Variants in ADK observed in about 807,000 individuals in gnomAD.
ADK encodes the protein N6,N6-dimethyladenosine kinase.
Under a neutral mutation model 44.7 loss-of-function variants are expected in ADK, and 24 were observed. The ratio of observed to expected loss-of-function variants is 0.54; its 90% CI spans 0.39 to 0.76. The LOEUF is 0.76. ADK is among the 30% of genes least tolerant of loss of function. The probability of loss-of-function intolerance (pLI) is 0.00; values close to 1 mark genes in which losing one functional copy is unlikely to be tolerated. For synonymous variants in ADK, 128 were observed against 142.6 expected (o/e 0.90, Z 0.73); for missense variants, 321 against 425.1 (o/e 0.76, Z 2.15).
chr10:74,646,350 T>G (rs1854054352), intron 9 of ADK, among the ~76,000 whole-genome samples: 1 of 152,194 alleles, frequency 6.6e-6, no homozygotes. Flanking sequence ...GGGAAGCCAC[T>G]AGTTAGATTC....
Position 74,298,751 on chromosome 10 carries a change from C to T in ADK, c.195-15916C>T, listed in dbSNP as rs542343482. Among the ~76,000 whole-genome samples the T allele has an allele frequency of 3.2e-5, 4 of 123,754 alleles. No individual in the cohort carries two copies. The East Asian group carries it at 8.4e-4, about 26-fold the overall frequency. 81.2% of individuals were successfully genotyped at this position (123,754 alleles called of 152,430 possible). A position where few individuals can be genotyped will look rare whatever the true frequency, so the allele number is the denominator to read the frequency against. ...CAAGACCCTATCTCTACCAAAAAAA[C>T]CCCCCAAAAAAACAAAAACAAAAAC... On this transcript the variant is annotated intron_variant, in intron 3 of 10. Coordinates refer to ENST00000539909, the MANE Select transcript of ADK (RefSeq NM_006721.4).
intron 6 of ADK, among the ~76,000 whole-genome samples, chr10:74,399,357 T>C (rs531102896): frequency 2.6e-5 from 4 of 151,194 alleles, no homozygotes; most frequent in Non-Finnish European, 5.9e-5. Context: ...GTGTAAAAAA[T>C]TGATTACCCT....
Position 74,598,440 on chromosome 10 carries a change from CCTTTTTTTTT to C in ADK, c.763-1938_763-1929del, listed in dbSNP as rs1252820736. Among the ~76,000 whole-genome samples, 2 of 114,066 alleles carry C rather than the reference CCTTTTTTTTT, an allele frequency of 1.8e-5. 1 individual carries two copies. Among genetic ancestry groups the C allele is most frequent in the Admixed American group, 1.7e-4 (2 of 11,496 alleles). The allele number at this position is 114,066 out of a possible 152,430, so 74.8% of individuals were successfully genotyped here. A position where few individuals can be genotyped will look rare whatever the true frequency, so the allele number is the denominator to read the frequency against. On this transcript the variant is annotated intron_variant, in intron 8 of 10. Transcript: ENST00000539909. ...TAGAAAGCAACCATGGAATCTTATT[CCTTTTTTTTT>C]TTTTTTTTTTTTTTTTTTGAGATGG... is the stretch of plus-strand genomic sequence containing the variant.
intron 3 of ADK, among the ~76,000 whole-genome samples, chr10:74,237,698 G>C (rs1306335902): frequency 2.6e-5 from 4 of 152,082 alleles, no homozygotes; most frequent in Non-Finnish European, 5.9e-5. Context: ...TTGATTTGGG[G>C]GTTGCAGAAT....
intron 9 of ADK, among the ~76,000 whole-genome samples, chr10:74,613,736 G>C (rs903036273): frequency 2.6e-5 from 4 of 152,098 alleles, no homozygotes; most frequent in Non-Finnish European, 5.9e-5. Flanking sequence ...TTCAGAAAAT[G>C]TGCGTTAGAA....
chr10:74,527,926 C>A (rs1358248655), intron 7 of ADK: 21 of 784,716 alleles, frequency 2.7e-5, no homozygotes, highest in Non-Finnish European at 4.8e-5. Context: ...CTATAGGTTT[C>A]TTCGACTTCA....
intron 1 of ADK, among the ~76,000 whole-genome samples, chr10:74,156,260 A>G (rs1399369988): frequency 6.6e-6 from 1 of 152,194 alleles, no homozygotes; most frequent in African/African-American, 2.4e-5. Context: ...TTCAGCCTCA[A>G]ATAAAACATG....
intron 4 of ADK, 142 bp from the exon 5 acceptor site, chr10:74,393,999 G>A (rs553124523): frequency 5.3e-5 from 45 of 851,634 alleles, no homozygotes; most frequent in Non-Finnish European, 8.4e-5. Context: ...AATCGTAAGT[G>A]ATAGCACAGA....
intron 7 of ADK, among the ~76,000 whole-genome samples, chr10:74,546,181 G>C (rs147843188): frequency 1.2e-4 from 18 of 152,168 alleles, no homozygotes; most frequent in Non-Finnish European, 2.2e-4. Context: ...GAAATTTTGC[G>C]TGATGCTGAG....
chr10:74,164,975 G>A (rs1384162873), intron 1 of ADK, among the ~76,000 whole-genome samples: 1 of 152,120 alleles, frequency 6.6e-6, no homozygotes, highest in African/African-American at 2.4e-5. Context: ...GGCTCTCTCA[G>A]CCTTTCTCTT....
At chr10:74,190,082 A>G (rs1226203063) in intron 1 of ADK, among the ~76,000 whole-genome samples, 2 of 152,012 alleles carry the variant, frequency 1.3e-5, no homozygotes, top group Non-Finnish European at 2.9e-5. Context: ...GTGGTGTTCT[A>G]TTTTTCTATT....
chr10:74,484,040 G>T (rs1349701130), intron 6 of ADK, among the ~76,000 whole-genome samples: 1 of 152,172 alleles, frequency 6.6e-6, no homozygotes, highest in Admixed American at 6.5e-5. Context: ...CATCTTTATA[G>T]CCATGCCCCA....
intron 4 of ADK, chr10:74,372,476 A>G: frequency 2.8e-6 from 1 of 351,730 alleles, no homozygotes; most frequent in Non-Finnish European, 5.2e-6. Flanking sequence ...AATAAATGTC[A>G]GTTTAAAAAA....
chr10:74,255,062 G>A (rs541111315), intron 3 of ADK, among the ~76,000 whole-genome samples: 3 of 152,214 alleles, frequency 2.0e-5, no homozygotes, highest in South Asian at 4.1e-4. Context: ...AAGACCATGA[G>A]ATCCATGGAG....
At chr10:74,609,996 A>G (rs1464614508) in intron 9 of ADK, among the ~76,000 whole-genome samples, 1 of 152,132 alleles carries the variant, frequency 6.6e-6, no homozygotes, top group Non-Finnish European at 1.5e-5. Context: ...TTGAGTTTCA[A>G]AAAAATTTTC....
intron 6 of ADK, among the ~76,000 whole-genome samples, chr10:74,412,299 A>G (rs1844210283): frequency 6.6e-6 from 1 of 151,980 alleles, no homozygotes; most frequent in Non-Finnish European, 1.5e-5. Flanking sequence ...CAATCCTCCC[A>G]CCTCATCATT....
chr10:74,447,376 G>A (rs1845623633), intron 6 of ADK, among the ~76,000 whole-genome samples: 1 of 152,146 alleles, frequency 6.6e-6, no homozygotes, highest in African/African-American at 2.4e-5. Flanking sequence ...AGAGTCAAGT[G>A]AGAAGAGTCT....
intron 6 of ADK, among the ~76,000 whole-genome samples, chr10:74,457,508 C>G (rs927351338): frequency 3.3e-5 from 5 of 152,190 alleles, no homozygotes; most frequent in African/African-American, 1.2e-4. Flanking sequence ...GCCCAGCAAT[C>G]CCATTACTGG....
intron 10 of ADK, among the ~76,000 whole-genome samples, chr10:74,696,467 G>A (rs1272865116): frequency 6.6e-6 from 1 of 151,570 alleles, no homozygotes; most frequent in Non-Finnish European, 1.5e-5. Context: ...CCGAGTTCAT[G>A]CCATTCTCCT....
Sources: allele counts gnomAD v4.1 joint callset (sites outside exome capture counted in the v4.1 genomes callset), GRCh38; gene constraint gnomAD v4.1.1; transcripts MANE v1.5; gene names NCBI Gene and HGNC (gene_info 2026-07-23, HGNC 2026-07-21).